Variants in CADPS2 observed in about 807,000 individuals in gnomAD.
CADPS2 encodes the protein calcium-dependent secretion activator 2.
CADPS2 carries 93 observed loss-of-function variants against 172.5 expected under a neutral mutation model. The ratio of observed to expected loss-of-function variants is 0.54; its 90% CI spans 0.46 to 0.64. The LOEUF (loss-of-function observed/expected upper bound fraction) is 0.64. Ranked by LOEUF, CADPS2 falls within the 30% of genes least tolerant of loss-of-function variation. The pLI, the probability that CADPS2 is intolerant of heterozygous loss-of-function variation, is 0.00. For missense variants in CADPS2, 1,420 were observed against 1,565.9 expected, an observed-to-expected ratio of 0.91 and a Z score of 1.57; for synonymous variants, 546 against 555.2, an observed-to-expected ratio of 0.98 and a Z score of 0.23.
chr7:122,841,092 T>C (rs989642216), intron 1 of CADPS2, among the ~76,000 whole-genome samples: 2 of 152,218 alleles, frequency 1.3e-5, no homozygotes, highest in Non-Finnish European at 2.9e-5. Context: ...TGTTTCCTTA[T>C]GAAATAGGTA....
intron 1 of CADPS2, among the ~76,000 whole-genome samples, chr7:122,861,595 G>A (rs990028618): frequency 1.3e-5 from 2 of 152,092 alleles, no homozygotes; most frequent in East Asian, 1.9e-4. Flanking sequence ...TTTTTAGTTT[G>A]ATGTAATCCT....
At chr7:122,612,621 A>G (rs2074433716) in intron 6 of CADPS2, among the ~76,000 whole-genome samples, 1 of 152,054 alleles carries the variant, frequency 6.6e-6, no homozygotes, top group South Asian at 2.1e-4. Context: ...CTCCAAATTG[A>G]CCTACAGTTA....
At chr7:122,444,932 A>C (rs538323632) in intron 15 of CADPS2, among the ~76,000 whole-genome samples, 10 of 152,102 alleles carry the variant, frequency 6.6e-5, no homozygotes, top group Non-Finnish European at 1.5e-4. Context: ...TAACTTTTGT[A>C]TTATGGGTGA....
intron 28 of CADPS2, among the ~76,000 whole-genome samples, chr7:122,330,417 T>C (rs890397186): frequency 1.3e-5 from 2 of 152,214 alleles, no homozygotes; most frequent in Non-Finnish European, 2.9e-5. Context: ...AATTTGTGGC[T>C]CTGTTTCACT....
chr7:122,386,687 G>C (rs1482348239), intron 24 of CADPS2, among the ~76,000 whole-genome samples: 1 of 151,898 alleles, frequency 6.6e-6, no homozygotes, highest in East Asian at 1.9e-4. Context: ...TGCAAACTCT[G>C]GATACTCTAG....
intron 1 of CADPS2, among the ~76,000 whole-genome samples, chr7:122,747,175 GAAGTTCTC>G (rs1490733989): frequency 3.9e-5 from 6 of 152,070 alleles, no homozygotes; most frequent in African/African-American, 1.4e-4. Flanking sequence ...GCCATTCTGA[GAAGTTCTC>G]ATTGCAATAG....
chr7:122,436,087 GA>G (rs1207872913), intron 17 of CADPS2, among the ~76,000 whole-genome samples: 1 of 152,012 alleles, frequency 6.6e-6, no homozygotes, highest in Non-Finnish European at 1.5e-5. Context: ...TACACTTTAA[GA>G]AATTGCAAAG....
intron 3 of CADPS2, among the ~76,000 whole-genome samples, chr7:122,639,541 T>C (rs1403947041): frequency 1.3e-5 from 2 of 152,182 alleles, no homozygotes; most frequent in African/African-American, 4.8e-5. Flanking sequence ...TGTGTGTGTT[T>C]AGCTCTCCAC....
At chr7:122,802,176 A>G (rs17144900) in intron 1 of CADPS2, among the ~76,000 whole-genome samples, 1 of 152,138 alleles carries the variant, frequency 6.6e-6, no homozygotes, top group Non-Finnish European at 1.5e-5. Context: ...ATTTTGGAGG[A>G]CTCTATACTG....
intron 1 of CADPS2, among the ~76,000 whole-genome samples, chr7:122,809,235 C>T (rs955396143): frequency 6.6e-6 from 1 of 152,066 alleles, no homozygotes; most frequent in African/African-American, 2.4e-5. Flanking sequence ...TAGTGTGAAT[C>T]AGCTTTGTGA....
At position 122,697,995 on chromosome 7, in the gene CADPS2, C is replaced by T. The variant is rs747549986; in HGVS notation, c.454-34426G>A. 8 of 1,613,346 alleles carry T rather than the reference C, an allele frequency of 5.0e-6. No homozygotes were observed. In the South Asian group the frequency reaches 8.8e-5, roughly 18 times the overall value. ...AAGGTTCTGTTCCATTTTCAACAAC[C>T]ACTTGAATCCCCAAAACTTTAAGAA... On this transcript the variant is annotated intron_variant, in intron 2 of 29. Coordinates refer to ENST00000449022, the MANE Select transcript of CADPS2 (RefSeq NM_017954.11).
intron 20 of CADPS2, 107 bp from the exon 21 acceptor site, chr7:122,393,689 C>G (rs1304117303): frequency 1.7e-6 from 2 of 1,149,520 alleles, no homozygotes; most frequent in African/African-American, 3.1e-5. Context: ...CACAGAAGAA[C>G]TGATAAAATG....
chr7:122,832,397 C>T (rs1041582645), intron 1 of CADPS2, among the ~76,000 whole-genome samples: 4 of 151,970 alleles, frequency 2.6e-5, no homozygotes, highest in Non-Finnish European at 5.9e-5. Context: ...TTCTAAGTGA[C>T]CCTTTTCTTG....
chr7:122,412,355 T>C (rs985272237), intron 19 of CADPS2, among the ~76,000 whole-genome samples: 1 of 152,186 alleles, frequency 6.6e-6, no homozygotes, highest in African/African-American at 2.4e-5. Context: ...TAGGCATGCA[T>C]GCCAGTTGGA....
intron 6 of CADPS2, among the ~76,000 whole-genome samples, chr7:122,594,375 C>T (rs2071409305): frequency 6.6e-6 from 1 of 151,896 alleles, no homozygotes; most frequent in Non-Finnish European, 1.5e-5. Context: ...TAATGACTTT[C>T]ATAATAAGAA....
At position 122,550,763 on chromosome 7, in the gene CADPS2, G is replaced by GAC. The variant is rs10606400; in HGVS notation, c.1475+3785_1475+3786dup. On this transcript the variant is annotated intron_variant, in intron 8 of 29. Coordinates refer to ENST00000449022, the MANE Select transcript of CADPS2 (RefSeq NM_017954.11). ...AGAACACTTCTATCTTCATGCTACA[G>GAC]ACACACACACACACACAAACCAGGA... is the stretch of plus-strand genomic sequence containing the variant. Among the ~76,000 whole-genome samples, 11 of 151,538 alleles carry GAC rather than the reference G, an allele frequency of 7.3e-5. No homozygotes were observed. The South Asian group carries it at 1.9e-3, about 26-fold the overall frequency.
At chr7:122,439,329 A>C (rs2051055932) in intron 16 of CADPS2, 1 of 152,202 alleles carries the variant, frequency 6.6e-6, no homozygotes, top group African/African-American at 2.4e-5. Context: ...ATCTTTCTGC[A>C]TATTTAATGC....
chr7:122,567,204 TA>T (rs2066584239), intron 7 of CADPS2, among the ~76,000 whole-genome samples: 1 of 152,138 alleles, frequency 6.6e-6, no homozygotes, highest in Admixed American at 6.6e-5. Context: ...CTAATTTATC[TA>T]GTAGCTTTTC....
rs1354493617 is a variant in CADPS2 at position 122,825,401 on chromosome 7, GA to G, written c.339+60597del. 2.0e-5 allele frequency among the ~76,000 whole-genome samples: 3 copies of G among 152,124 alleles called. No individual in the cohort carries two copies. The East Asian group carries it at 5.8e-4, about 29-fold the overall frequency. On this transcript the variant is annotated intron_variant, in intron 1 of 29. Transcript: ENST00000449022. ...GTGATCTCAAGGAAAACAACTAAAT[GA>G]AAAAGCATGGTGCAAATAATGTTTC...
Sources: gnomAD v4.1 joint callset for allele counts (sites outside exome capture counted in the v4.1 genomes callset) on GRCh38, gnomAD v4.1.1 for gene constraint, MANE v1.5 for transcripts, NCBI Gene and HGNC (gene_info 2026-07-23, HGNC 2026-07-21) for gene names.